The following CSMD1 variants were observed in gnomAD, a reference collection of about 807,000 sequenced individuals.
CSMD1 encodes CUB and Sushi multiple domains 1.
In CSMD1, 213 loss-of-function variants were observed where a neutral mutation model predicts 417.5. The observed-to-expected ratio is 0.51, with a 90% CI of 0.46 to 0.57. The LOEUF (loss-of-function observed/expected upper bound fraction) is 0.57. CSMD1 is among the 20% of genes least tolerant of loss of function. The probability of loss-of-function intolerance (pLI) is 0.00; values close to 1 mark genes in which losing one functional copy is unlikely to be tolerated. For missense variants in CSMD1, 6,923 were observed against 4,529.7 expected (o/e 1.53, Z -15.17); for synonymous variants, 2,862 against 1,736.8 (o/e 1.65, Z -16.11).
At chr8:4,049,973 G>C (rs555182834) in intron 3 of CSMD1, among the ~76,000 whole-genome samples, 5 of 152,100 alleles carry the variant, frequency 3.3e-5, no homozygotes, top group Admixed American at 6.6e-5. Context: ...TCCTGGCTGG[G>C]GCAGCTTCTC....
intron 5 of CSMD1, among the ~76,000 whole-genome samples, chr8:3,801,849 A>T (rs2129072869): frequency 6.6e-6 from 1 of 152,296 alleles, no homozygotes; most frequent in African/African-American, 2.4e-5. Context: ...GAATCATTAA[A>T]GTAAGTCAAT....
rs996237434 is a variant in CSMD1, at chr8:3,004,038, C to T, written c.8030-3907G>A. On this transcript the variant is annotated intron_variant, in intron 52 of 69. Transcript: ENST00000635120. ...TTTGAAGATAGTTGCTACAACTCCA[C>T]TGAGTATGCACAGTAGCAAAGGAGG... Among the ~76,000 whole-genome samples the T allele has an allele frequency of 3.3e-5, 5 of 152,252 alleles. No homozygotes were observed. The South Asian group carries it at 1.0e-3, about 32-fold the overall frequency.
chr8:3,227,569 G>C (rs1293571070), intron 27 of CSMD1, among the ~76,000 whole-genome samples: 1 of 152,122 alleles, frequency 6.6e-6, no homozygotes, highest in Non-Finnish European at 1.5e-5. Context: ...TAAGGGACTA[G>C]AAAGATCAAT....
At chr8:4,070,459 A>T (rs189044393) in intron 3 of CSMD1, among the ~76,000 whole-genome samples, 1 of 152,010 alleles carries the variant, frequency 6.6e-6, no homozygotes, top group Admixed American at 6.6e-5. Flanking sequence ...CCGGGTTCAC[A>T]CCATTCTCCC....
chr8:4,341,354 T>C (rs1313587182), intron 3 of CSMD1, among the ~76,000 whole-genome samples: 4 of 152,124 alleles, frequency 2.6e-5, no homozygotes, highest in East Asian at 1.9e-4. Context: ...AATTCTGAGA[T>C]TCATATTCAC....
intron 3 of CSMD1, among the ~76,000 whole-genome samples, chr8:4,210,675 G>T (rs574162981): frequency 2.0e-5 from 3 of 152,058 alleles, no homozygotes; most frequent in East Asian, 3.9e-4. Flanking sequence ...TCTGAAGAAA[G>T]CCAATTTTCC....
chr8:4,885,726 T>C (rs989573418), intron 1 of CSMD1, among the ~76,000 whole-genome samples: 1 of 151,494 alleles, frequency 6.6e-6, no homozygotes, highest in African/African-American at 2.4e-5. Context: ...TTATGTATTA[T>C]AATATATAGT....
intron 1 of CSMD1, among the ~76,000 whole-genome samples, chr8:4,768,718 A>C (rs1470303128): frequency 1.3e-5 from 2 of 152,128 alleles, no homozygotes; most frequent in African/African-American, 4.8e-5. Context: ...CTGGAGCACC[A>C]AACTCCCCAG....
intron 37 of CSMD1, among the ~76,000 whole-genome samples, chr8:3,173,444 T>A (rs184062023): frequency 6.6e-6 from 1 of 152,302 alleles, no homozygotes; most frequent in Non-Finnish European, 1.5e-5. Context: ...ATGAAAGCAA[T>A]TTTAATAGGA....
intron 20 of CSMD1, among the ~76,000 whole-genome samples, chr8:3,360,448 G>A (rs530223297): frequency 1.4e-4 from 21 of 152,302 alleles, no homozygotes; most frequent in African/African-American, 5.1e-4. Flanking sequence ...AGTGGGAAGT[G>A]AGAAAGTGTG....
At chr8:4,676,345 C>A (rs1178651682) in intron 1 of CSMD1, among the ~76,000 whole-genome samples, 3 of 152,104 alleles carry the variant, frequency 2.0e-5, no homozygotes, top group Non-Finnish European at 2.9e-5. Flanking sequence ...TATCCATCTG[C>A]CCTGAACTGC....
At chr8:3,877,189 G>A (rs942206884) in intron 5 of CSMD1, among the ~76,000 whole-genome samples, 1 of 152,138 alleles carries the variant, frequency 6.6e-6, no homozygotes, top group African/African-American at 2.4e-5. Context: ...ACTTTTGGAA[G>A]AAGGAAGTGG....
chr8:4,649,808 G>A (rs540890266), intron 1 of CSMD1, among the ~76,000 whole-genome samples: 16 of 152,282 alleles, frequency 1.1e-4, no homozygotes, highest in Admixed American at 5.9e-4. Flanking sequence ...TATTTCATAA[G>A]TAACTATTCT....
At chr8:4,261,419 A>C (rs1460592956) in intron 3 of CSMD1, among the ~76,000 whole-genome samples, 2 of 152,172 alleles carry the variant, frequency 1.3e-5, no homozygotes, top group African/African-American at 2.4e-5. Flanking sequence ...GAGAGGGGAA[A>C]TGGGGAATAA....
intron 28 of CSMD1, among the ~76,000 whole-genome samples, chr8:3,221,016 G>C (rs1370499906): frequency 6.7e-6 from 1 of 148,186 alleles, no homozygotes; most frequent in Non-Finnish European, 1.5e-5. Context: ...GAGAAGGTCA[G>C]GGTTTTTGCT....
intron 10 of CSMD1, among the ~76,000 whole-genome samples, chr8:3,568,746 T>C (rs1157675816): frequency 6.6e-6 from 1 of 152,118 alleles, no homozygotes; most frequent in Non-Finnish European, 1.5e-5. Context: ...CATATATATA[T>C]GTATGCATGC....
chr8:4,608,189 T>G (rs1176256809), intron 2 of CSMD1, among the ~76,000 whole-genome samples: 1 of 152,180 alleles, frequency 6.6e-6, no homozygotes. Context: ...AGTAAAGAGT[T>G]TGACTTCTAC....
chr8:3,632,782 C>A (rs1796848531), intron 7 of CSMD1, among the ~76,000 whole-genome samples: 2 of 152,182 alleles, frequency 1.3e-5, no homozygotes, highest in South Asian at 4.1e-4. Flanking sequence ...TTGGCAGTCT[C>A]CATTTGCTTT....
chr8:3,349,475 G>C (rs1011114810), intron 21 of CSMD1, among the ~76,000 whole-genome samples: 23 of 151,822 alleles, frequency 1.5e-4, no homozygotes, highest in African/African-American at 5.1e-4. Context: ...TGACATCCTG[G>C]GTTCACTTCT....
Sources: allele counts gnomAD v4.1 joint callset (sites outside exome capture counted in the v4.1 genomes callset), GRCh38; gene constraint gnomAD v4.1.1; transcripts MANE v1.5; gene names NCBI Gene and HGNC (gene_info 2026-07-23, HGNC 2026-07-21).